CNTN5: variants seen among roughly 807,000 people sequenced by gnomAD.
CNTN5 encodes the protein contactin 5.
CNTN5 carries 77 observed loss-of-function variants against 129.1 expected under a neutral mutation model. That is an observed-to-expected ratio of 0.60 (90% CI 0.50 to 0.72). The LOEUF is 0.72. Among genes scored for constraint, CNTN5 ranks in the 30% least tolerant of loss-of-function variants. The pLI is 0.00. For missense variants in CNTN5, 1,478 were observed against 1,328.8 expected (o/e 1.11, Z -1.75); for synonymous variants, 509 against 465.6 (o/e 1.09, Z -1.20).
intron 6 of CNTN5, among the ~76,000 whole-genome samples, chr11:99,911,571 T>A (rs1949660241): frequency 1.3e-5 from 2 of 151,892 alleles, no homozygotes; most frequent in South Asian, 4.1e-4. Context: ...AAGATCAGTG[T>A]CCAGAATCTC....
At chr11:100,125,484 A>G (rs1946154681) in intron 13 of CNTN5, among the ~76,000 whole-genome samples, 1 of 152,044 alleles carries the variant, frequency 6.6e-6, no homozygotes, top group Non-Finnish European at 1.5e-5. Context: ...CTTGCCACAA[A>G]GCACATGATT....
chr11:99,827,373 G>T (rs186243012), intron 4 of CNTN5, among the ~76,000 whole-genome samples: 2 of 152,320 alleles, frequency 1.3e-5, no homozygotes, highest in East Asian at 3.9e-4. Context: ...ACAAGCATGA[G>T]CCACTGTGCC....
At chr11:100,021,505 C>T (rs946921017) in intron 9 of CNTN5, among the ~76,000 whole-genome samples, 1 of 152,148 alleles carries the variant, frequency 6.6e-6, no homozygotes, top group African/African-American at 2.4e-5. Flanking sequence ...ATATAGTGTA[C>T]ATACTTTAGG....
chr11:99,680,920 A>T (rs1047225016), intron 3 of CNTN5, among the ~76,000 whole-genome samples: 1 of 152,028 alleles, frequency 6.6e-6, no homozygotes, highest in African/African-American at 2.4e-5. Flanking sequence ...TGCCATTAAG[A>T]ACATTCAAGA....
intron 2 of CNTN5, among the ~76,000 whole-genome samples, chr11:99,358,700 A>C (rs1433654579): frequency 6.6e-6 from 1 of 152,230 alleles, no homozygotes; most frequent in Non-Finnish European, 1.5e-5. Flanking sequence ...AATTTAAAAA[A>C]TTCAGGTGAC....
chr11:100,198,964 C>G (rs571447182), intron 15 of CNTN5, among the ~76,000 whole-genome samples: 1 of 152,006 alleles, frequency 6.6e-6, no homozygotes, highest in South Asian at 2.1e-4. Context: ...TCAGAATTAG[C>G]TATTTCCTAA....
At chr11:100,066,557 A>G (rs1943702399) in intron 10 of CNTN5, among the ~76,000 whole-genome samples, 1 of 152,140 alleles carries the variant, frequency 6.6e-6, no homozygotes, top group African/African-American at 2.4e-5. Flanking sequence ...GAAATGTATT[A>G]CATAAGTACG....
chr11:99,785,538 C>T (rs1364835541), intron 3 of CNTN5, among the ~76,000 whole-genome samples: 1 of 151,898 alleles, frequency 6.6e-6, no homozygotes, highest in East Asian at 1.9e-4. Context: ...TAGCAGAGAC[C>T]CAACAAAGAA....
intron 1 of CNTN5, among the ~76,000 whole-genome samples, chr11:99,121,308 T>A (rs1457118920): frequency 6.6e-6 from 1 of 152,058 alleles, no homozygotes; most frequent in Non-Finnish European, 1.5e-5. Context: ...CTAATTTTTG[T>A]ATTTTTAGTA....
chr11:99,407,770 G>A (rs1317501684), intron 2 of CNTN5, among the ~76,000 whole-genome samples: 4 of 152,150 alleles, frequency 2.6e-5, no homozygotes, highest in African/African-American at 2.4e-5. Context: ...CCCCTCACTA[G>A]GACTCATTTG....
chr11:99,936,615 G>A (rs546737497), intron 7 of CNTN5, among the ~76,000 whole-genome samples: 1 of 152,184 alleles, frequency 6.6e-6, no homozygotes, highest in African/African-American at 2.4e-5. Flanking sequence ...TTTCTCTCTA[G>A]CTTGCTGCAA....
chr11:99,733,909 C>T (rs560469822), intron 3 of CNTN5, among the ~76,000 whole-genome samples: 67 of 152,292 alleles, frequency 4.4e-4, no homozygotes, highest in African/African-American at 1.5e-3. Context: ...AGAGCCAGTT[C>T]ACCCAGGAGA....
chr11:99,927,668 G>A (rs900910587), intron 7 of CNTN5, among the ~76,000 whole-genome samples: 1 of 152,072 alleles, frequency 6.6e-6, no homozygotes, highest in African/African-American at 2.4e-5. Flanking sequence ...GAGGATAACT[G>A]CTCTCATGAT....
chr11:99,724,215 T>C (rs1943264446), intron 3 of CNTN5, among the ~76,000 whole-genome samples: 1 of 152,152 alleles, frequency 6.6e-6, no homozygotes, highest in Non-Finnish European at 1.5e-5. Flanking sequence ...TCAGGATCTA[T>C]ATACTCTCTC....
chr11:99,270,668 A>C (rs1233299041), intron 1 of CNTN5, among the ~76,000 whole-genome samples: 1 of 152,006 alleles, frequency 6.6e-6, no homozygotes, highest in African/African-American at 2.4e-5. Context: ...GTTAAAGTGA[A>C]ATTAATAATA....
chr11:99,778,148 C>T (rs1480644041), intron 3 of CNTN5, among the ~76,000 whole-genome samples: 2 of 151,756 alleles, frequency 1.3e-5, no homozygotes, highest in African/African-American at 2.4e-5. Flanking sequence ...TCTATTAAAA[C>T]AATCTCTTTC....
chr11:99,446,262 C>A lies in CNTN5; in HGVS notation c.-70-109883C>A, dbSNP rs1339511374. ...ATTTTAGCTGTGGACATTTTTGAAG[C>A]CTTGGTGCACATTATTTTCTTTCTG... is the stretch of plus-strand genomic sequence containing the variant. On this transcript the variant is annotated intron_variant, in intron 2 of 24. Transcript: ENST00000524871. Among the ~76,000 whole-genome samples, 3 of 152,094 alleles carry A rather than the reference C, an allele frequency of 2.0e-5. No homozygotes were observed. In the South Asian group the frequency reaches 6.2e-4, roughly 32 times the overall value.
intron 2 of CNTN5, among the ~76,000 whole-genome samples, chr11:99,350,132 C>CT (rs1011676893): frequency 2.6e-5 from 4 of 152,080 alleles, no homozygotes; most frequent in African/African-American, 9.7e-5. Flanking sequence ...ATTTTTAACA[C>CT]TAAAACACCT....
chr11:100,291,256 G>A (rs1042526729), intron 18 of CNTN5, among the ~76,000 whole-genome samples: 49 of 151,696 alleles, frequency 3.2e-4, no homozygotes, highest in Non-Finnish European at 6.5e-4. Context: ...TCCCATTACT[G>A]GGTATATACC....
Sources: allele counts gnomAD v4.1 joint callset (sites outside exome capture counted in the v4.1 genomes callset), GRCh38; gene constraint gnomAD v4.1.1; transcripts MANE v1.5; gene names NCBI Gene and HGNC (gene_info 2026-07-23, HGNC 2026-07-21).